The following TMEM150C variants were observed in gnomAD, a reference collection of about 807,000 sequenced individuals.
TMEM150C encodes the protein transmembrane protein 150C.
In TMEM150C, 10 loss-of-function variants were observed where a neutral mutation model predicts 29.9. The observed-to-expected ratio is 0.33, with a 90% CI of 0.21 to 0.57. TMEM150C has a LOEUF of 0.57. TMEM150C is among the 20% of genes least tolerant of loss of function. The pLI, the probability that TMEM150C is intolerant of heterozygous loss-of-function variation, is 0.88. For synonymous variants in TMEM150C, 101 were observed against 112.5 expected, an observed-to-expected ratio of 0.90 and a Z score of 0.64; for missense variants, 251 against 303.6, an observed-to-expected ratio of 0.83 and a Z score of 1.29.
chr4:82,528,070 A>G (rs1724712061), intron 1 of TMEM150C, among the ~76,000 whole-genome samples: 2 of 152,234 alleles, frequency 1.3e-5, no homozygotes, highest in South Asian at 4.1e-4. Flanking sequence ...CTCATAATCT[A>G]TGGGGGAGGA....
intron 1 of TMEM150C, among the ~76,000 whole-genome samples, chr4:82,531,976 G>T (rs187536545): frequency 1.3e-4 from 20 of 152,148 alleles, no homozygotes; most frequent in Non-Finnish European, 2.4e-4. Flanking sequence ...TAGGGCACAG[G>T]GTCAGAAACC....
At chr4:82,559,580 G>A (rs1290864075) in intron 1 of TMEM150C, among the ~76,000 whole-genome samples, 1 of 151,820 alleles carries the variant, frequency 6.6e-6, no homozygotes, top group East Asian at 1.9e-4. Context: ...AAAAAAGTAG[G>A]GACACACTTA....
At chr4:82,558,680 A>C (rs1160251019) in intron 1 of TMEM150C, among the ~76,000 whole-genome samples, 1 of 152,276 alleles carries the variant, frequency 6.6e-6, no homozygotes, top group Non-Finnish European at 1.5e-5. Flanking sequence ...ACAATAACTT[A>C]AAGTTCCAAT....
intron 5 of TMEM150C, among the ~76,000 whole-genome samples, chr4:82,498,037 C>CA (rs1723612767): frequency 6.7e-6 from 1 of 149,532 alleles, no homozygotes; most frequent in African/African-American, 2.5e-5. Flanking sequence ...TTTTTTTAAA[C>CA]AGAGTCTTAC....
intron 1 of TMEM150C, among the ~76,000 whole-genome samples, chr4:82,513,120 T>C (rs1016602525): frequency 1.3e-5 from 2 of 152,212 alleles, no homozygotes; most frequent in African/African-American, 4.8e-5. Flanking sequence ...AAGTGGGTCC[T>C]TGACCCCCGT....
chr4:82,561,381 G>A (rs1725918559), intron 1 of TMEM150C, among the ~76,000 whole-genome samples: 1 of 152,232 alleles, frequency 6.6e-6, no homozygotes, highest in African/African-American at 2.4e-5. Flanking sequence ...GCAAGTTAGT[G>A]CCTCCTTCCC....
intron 1 of TMEM150C, among the ~76,000 whole-genome samples, chr4:82,512,661 C>A (rs982134559): frequency 3.9e-5 from 6 of 152,080 alleles, no homozygotes; most frequent in Admixed American, 3.9e-4. Flanking sequence ...GTCTAAAATT[C>A]ACTTAAAATT....
At chr4:82,538,735 A>ACATGTAATATATTAATG (rs1387161485) in intron 1 of TMEM150C, among the ~76,000 whole-genome samples, 2 of 152,174 alleles carry the variant, frequency 1.3e-5, no homozygotes, top group Non-Finnish European at 2.9e-5. Flanking sequence ...TAATGAGTCA[A>ACATGTAATATATTAATG]AGCCTTAGAA....
chr4:82,537,112 G>A (rs900655128), intron 1 of TMEM150C, among the ~76,000 whole-genome samples: 5 of 152,076 alleles, frequency 3.3e-5, no homozygotes, highest in African/African-American at 1.2e-4. Flanking sequence ...CTCCCGAGCA[G>A]CTGAGACTAC....
chr4:82,503,526 C>T (rs1412901317), intron 2 of TMEM150C, among the ~76,000 whole-genome samples: 1 of 152,096 alleles, frequency 6.6e-6, no homozygotes, highest in Non-Finnish European at 1.5e-5. Flanking sequence ...CTGTGGTAAG[C>T]CAGGACTTCC....
chr4:82,495,759 C>T (rs929143818), intron 6 of TMEM150C: 5 of 376,184 alleles, frequency 1.3e-5, no homozygotes, highest in Non-Finnish European at 1.0e-5. Context: ...CATAACCCTT[C>T]CATTCTTCAC....
chr4:82,523,732 C>T (rs144303544), intron 1 of TMEM150C, among the ~76,000 whole-genome samples: 1 of 151,380 alleles, frequency 6.6e-6, no homozygotes, highest in Non-Finnish European at 1.5e-5. Flanking sequence ...GGCTGGAGTA[C>T]AGTGACGTGA....
chr4:82,550,113 G>T (rs1270089302), intron 1 of TMEM150C, among the ~76,000 whole-genome samples: 1 of 152,154 alleles, frequency 6.6e-6, no homozygotes, highest in Non-Finnish European at 1.5e-5. Flanking sequence ...GTTGAGGGAG[G>T]GGCCTGGTGG....
At chr4:82,498,578 C>T (rs1054869089) in intron 5 of TMEM150C, among the ~76,000 whole-genome samples, 1 of 152,198 alleles carries the variant, frequency 6.6e-6, no homozygotes, top group Non-Finnish European at 1.5e-5. Flanking sequence ...TGAGCCACCG[C>T]GCCTGGCTGG....
At chr4:82,547,146 T>C (rs1232757843) in intron 1 of TMEM150C, among the ~76,000 whole-genome samples, 2 of 152,104 alleles carry the variant, frequency 1.3e-5, no homozygotes, top group Non-Finnish European at 2.9e-5. Context: ...TGGTAAACTA[T>C]GCACGTAACT....
chr4:82,518,600 G>C (rs1724374101), intron 1 of TMEM150C, among the ~76,000 whole-genome samples: 1 of 152,210 alleles, frequency 6.6e-6, no homozygotes, highest in East Asian at 1.9e-4. Flanking sequence ...GGGCAGGGCG[G>C]AGTTTGGGGG....
intron 1 of TMEM150C, among the ~76,000 whole-genome samples, chr4:82,557,431 C>T (rs961071584): frequency 2.0e-5 from 3 of 152,088 alleles, no homozygotes; most frequent in Admixed American, 6.5e-5. Context: ...GGGAAGAGTG[C>T]GAGAGTTGTG....
chr4:82,515,302 A>G (rs925651927), intron 1 of TMEM150C, among the ~76,000 whole-genome samples: 2 of 152,188 alleles, frequency 1.3e-5, no homozygotes, highest in African/African-American at 2.4e-5. Flanking sequence ...ATATGCGCAC[A>G]TAAGTTTTCC....
chr4:82,502,149 C>G (rs1324935433), intron 5 of TMEM150C, among the ~76,000 whole-genome samples: 1 of 152,174 alleles, frequency 6.6e-6, no homozygotes, highest in Non-Finnish European at 1.5e-5. Context: ...CAGAATATTA[C>G]AGGAGGGTCT....
Sources: allele counts gnomAD v4.1 joint callset (sites outside exome capture counted in the v4.1 genomes callset), GRCh38; gene constraint gnomAD v4.1.1; transcripts MANE v1.5; gene names NCBI Gene and HGNC (gene_info 2026-07-23, HGNC 2026-07-21).